Variants in SMCHD1 observed in about 807,000 individuals in gnomAD.
SMCHD1 encodes the protein structural maintenance of chromosomes flexible hinge domain-containing protein 1.
SMCHD1 carries 78 observed loss-of-function variants against 254.7 expected under a neutral mutation model. The observed-to-expected ratio is 0.31, with a 90% CI of 0.26 to 0.37. The LOEUF is 0.37. SMCHD1 is among the 10% of genes least tolerant of loss of function. SMCHD1 has a pLI of 1.00. For synonymous variants in SMCHD1, 766 were observed against 794.9 expected (o/e 0.96, Z 0.61); for missense variants, 1,840 against 2,408.1 (o/e 0.76, Z 4.94).
intron 7 of SMCHD1, among the ~76,000 whole-genome samples, chr18:2,689,874 A>G (rs982966077): frequency 1.6e-4 from 22 of 138,682 alleles, no homozygotes; most frequent in Non-Finnish European, 3.1e-4. Flanking sequence ...AAAAAAAAAA[A>G]AAAGCCGGGT....
chr18:2,769,563 A>G, intron 37 of SMCHD1, 131 bp from the exon 38 acceptor site: 1 of 883,374 alleles, frequency 1.1e-6, no homozygotes, highest in African/African-American at 1.7e-5. Flanking sequence ...AATCTTAAGG[A>G]TCAGCCTATG....
chr18:2,692,391 A>G (rs187746359), intron 7 of SMCHD1, among the ~76,000 whole-genome samples: 4 of 152,322 alleles, frequency 2.6e-5, no homozygotes, highest in Non-Finnish European at 4.4e-5. Flanking sequence ...CTTAAAAGAA[A>G]GAGATCAAAT....
rs766434298 is a variant in SMCHD1, at chr18:2,777,848, C to T, written c.5409C>T (p.Pro1803=). The change falls in exon 43 of 48, where the codon CCC becomes CCT. Residue 1803 remains proline, a synonymous_variant. Coordinates refer to ENST00000320876, the MANE Select transcript of SMCHD1 (RefSeq NM_015295.3). ...HFRNGKLYFK[P]IGDPVFARDL... is the part of the protein sequence containing the mutation. ...GAAATGGAAAATTGTATTTTAAACCCATTGGAGATCCAGTCTTTGCTCGAG... is the reference window on the plus strand; with the variant it reads ...GAAATGGAAAATTGTATTTTAAACCTATTGGAGATCCAGTCTTTGCTCGAG... 3.9e-6 allele frequency: 6 copies of T among 1,550,048 alleles called. No homozygotes were observed. Among genetic ancestry groups the T allele is most frequent in the Non-Finnish European group, 5.2e-6 (6 of 1,145,500 alleles).
At chr18:2,661,640 A>G (rs565371197) in intron 1 of SMCHD1, among the ~76,000 whole-genome samples, 27 of 152,308 alleles carry the variant, frequency 1.8e-4, no homozygotes, top group African/African-American at 4.3e-4. Flanking sequence ...AAAATGAACT[A>G]TTTGCTCCAG....
At chr18:2,692,857 T>G (rs1051820992) in intron 7 of SMCHD1, among the ~76,000 whole-genome samples, 4 of 152,370 alleles carry the variant, frequency 2.6e-5, no homozygotes, top group African/African-American at 9.6e-5. Flanking sequence ...CTTATTTATC[T>G]TGAACCTATC....
chr18:2,696,666 G>T (rs2074292288), intron 8 of SMCHD1, among the ~76,000 whole-genome samples: 1 of 152,140 alleles, frequency 6.6e-6, no homozygotes, highest in Non-Finnish European at 1.5e-5. Context: ...AACGTACCTG[G>T]TAAGTAGAAT....
At chr18:2,766,034 C>T (rs2075861978) in intron 37 of SMCHD1, among the ~76,000 whole-genome samples, 1 of 136,956 alleles carries the variant, frequency 7.3e-6, no homozygotes, top group African/African-American at 2.6e-5. Flanking sequence ...CACTGTCTCA[C>T]CCAGGCTGGA....
At chr18:2,695,123 C>G (rs1042911950) in intron 8 of SMCHD1, among the ~76,000 whole-genome samples, 3 of 151,874 alleles carry the variant, frequency 2.0e-5, no homozygotes, top group Admixed American at 2.0e-4. Context: ...ATGGTAGATG[C>G]TCAAATGTTT....
intron 27 of SMCHD1, among the ~76,000 whole-genome samples, chr18:2,739,967 G>T (rs2075318144): frequency 6.6e-6 from 1 of 151,406 alleles, no homozygotes; most frequent in African/African-American, 2.4e-5. Flanking sequence ...AAGTTCTGGG[G>T]TACATGTGCA....
Position 2,723,035 on chromosome 18 carries a change from C to T in SMCHD1, c.2603+372C>T, listed in dbSNP as rs577321810. On this transcript the variant is annotated intron_variant, in intron 20 of 47. Coordinates refer to ENST00000320876, the MANE Select transcript of SMCHD1 (RefSeq NM_015295.3). ...GCGTTCTTAGTTATTGGATGTTGGA[C>T]CTTCTGGATTTAATCCCCAATTTTT... Among the ~76,000 whole-genome samples, 4 of 152,218 alleles carry T rather than the reference C, an allele frequency of 2.6e-5. No homozygotes were observed. The East Asian group carries it at 7.7e-4, about 29-fold the overall frequency.
At chr18:2,681,667 T>C (rs1176309009) in intron 5 of SMCHD1, among the ~76,000 whole-genome samples, 1 of 152,036 alleles carries the variant, frequency 6.6e-6, no homozygotes, top group Non-Finnish European at 1.5e-5. Flanking sequence ...ATAAGAATTA[T>C]TGCTTTAGAA....
chr18:2,678,555 A>T (rs1023467131), intron 5 of SMCHD1, among the ~76,000 whole-genome samples: 8 of 151,892 alleles, frequency 5.3e-5, no homozygotes, highest in African/African-American at 1.9e-4. Flanking sequence ...GACCTTAGGT[A>T]ATCCGCCCAC....
At chr18:2,757,784 G>C (rs576949616) in intron 34 of SMCHD1, among the ~76,000 whole-genome samples, 2 of 151,802 alleles carry the variant, frequency 1.3e-5, no homozygotes, top group Admixed American at 1.3e-4. Flanking sequence ...AAATCTCCAA[G>C]TATGAACGAA....
intron 1 of SMCHD1, among the ~76,000 whole-genome samples, chr18:2,663,875 T>C (rs1020852430): frequency 6.6e-6 from 1 of 152,050 alleles, no homozygotes; most frequent in Non-Finnish European, 1.5e-5. Flanking sequence ...CCACCACGCC[T>C]GGCTAATTTT....
Position 2,697,864 on chromosome 18 carries a change from A to T in SMCHD1, c.1165A>T (p.Ile389Phe), listed in dbSNP as rs747731888. Reference protein sequence around the residue: ...SMFEKGKVPKIVNLREIQDDM... With the variant: ...SMFEKGKVPKFVNLREIQDDM... ...GTTTGAAAAAGGGAAGGTACCTAAG[A>T]TTGTCAACCTAAGGGAAATACAAGA... Residue 389 changes from isoleucine (I) to phenylalanine (F), a missense_variant, in exon 10 of 48, where the codon ATT (isoleucine) becomes TTT (phenylalanine). Physicochemically the swap from Ile to Phe is conservative, Grantham distance 21 (BLOSUM62 0). This residue lies in a region of SMCHD1 where 498 missense variants were observed against 743.5 expected (regional missense o/e 0.67). Transcript: ENST00000320876. The T allele has an allele frequency of 1.1e-5, 17 of 1,612,912 alleles. No individual in the cohort carries two copies. The highest frequency in any genetic ancestry group is 1.4e-5 in the Non-Finnish European group (17 of 1,179,104).
chr18:2,706,922 A>AG (rs1313326505), intron 15 of SMCHD1, among the ~76,000 whole-genome samples: 19 of 152,310 alleles, frequency 1.2e-4, no homozygotes, highest in Admixed American at 9.2e-4. Context: ...TCATGGCATA[A>AG]GGCGAAGGGG....
At chr18:2,722,970 C>T (rs2074956814) in intron 20 of SMCHD1, among the ~76,000 whole-genome samples, 2 of 152,150 alleles carry the variant, frequency 1.3e-5, no homozygotes, top group Admixed American at 6.5e-5. Context: ...ATTTGAAATA[C>T]TTCATTCTGT....
chr18:2,718,255 G>A lies in SMCHD1; in HGVS notation c.2338+20G>A, dbSNP rs752416512. The A allele has an allele frequency of 6.2e-7, 1 of 1,610,894 alleles. No individual in the cohort carries two copies. Among genetic ancestry groups the A allele is most frequent in the East Asian group, 2.2e-5 (1 of 44,728 alleles). On this transcript the variant is annotated intron_variant, in intron 18 of 47. Coordinates refer to ENST00000320876, the MANE Select transcript of SMCHD1 (RefSeq NM_015295.3). The surrounding 1 kb of genome is among the most constrained non-coding windows in gnomAD (Gnocchi z 4.6). The stretch of plus-strand genomic sequence containing the variant: ...AAATGGGTGAGTTCTTATTCTGAAT[G>A]TTAAAAAATACATTGGTATTGTGTT...
chr18:2,692,260 A>G (rs752904671), intron 7 of SMCHD1, among the ~76,000 whole-genome samples: 8 of 152,158 alleles, frequency 5.3e-5, no homozygotes, highest in African/African-American at 1.2e-4. Context: ...CTTTGAAGTC[A>G]AATATTGGCT....
Sources: allele counts gnomAD v4.1 joint callset (sites outside exome capture counted in the v4.1 genomes callset), GRCh38; gene constraint gnomAD v4.1.1; regional missense constraint gnomAD v4.1.1; non-coding constraint Gnocchi (gnomAD v3.1); transcripts MANE v1.5; gene names NCBI Gene and HGNC (gene_info 2026-07-23, HGNC 2026-07-21).